Variants in OLFM1 observed in about 807,000 individuals in gnomAD.
OLFM1 encodes noelin.
A neutral mutation model predicts 49.7 loss-of-function variants in OLFM1; 9 were observed. The ratio of observed to expected loss-of-function variants is 0.18; its 90% CI spans 0.11 to 0.32. The LOEUF is 0.32. Among genes scored for constraint, OLFM1 ranks in the 10% least tolerant of loss-of-function variants. The pLI, the probability that OLFM1 is intolerant of heterozygous loss-of-function variation, is 1.00. For synonymous variants in OLFM1, 240 were observed against 271.8 expected, an observed-to-expected ratio of 0.88 and a Z score of 1.15; for missense variants, 369 against 661.8, an observed-to-expected ratio of 0.56 and a Z score of 4.85.
At chr9:135,087,163 C>G, upstream of OLFM1, 1 of 1,314,220 alleles carries the variant, frequency 7.6e-7, no homozygotes, top group Non-Finnish European at 1.0e-6. Flanking sequence ...GCCCCGACGC[C>G]CCCCTGGCGC....
At position 135,119,626 on chromosome 9, in the gene OLFM1, G is replaced by A. The variant is rs748530353; in HGVS notation, c.906G>A (p.Gly302=). The A allele has an allele frequency of 6.2e-7, 1 of 1,614,056 alleles. No individual in the cohort carries two copies. Among genetic ancestry groups the A allele is most frequent in the Non-Finnish European group, 8.5e-7 (1 of 1,180,050 alleles). ...HRLPHPWSGT[G]QVVYNGSIYF... The stretch of plus-strand genomic sequence containing the variant: ...TCCCCCACCCCTGGTCGGGCACGGG[G>A]CAGGTGGTCTACAACGGTTCTATCT... Residue 302 remains glycine, a synonymous_variant, in exon 6 of 6, where the codon GGG becomes GGA. Transcript: ENST00000371793.
chr9:135,075,723 G>T (rs755253709), exon 1 of OLFM1: 1 of 1,601,712 alleles, frequency 6.2e-7, no homozygotes, highest in Admixed American at 1.7e-5. Context: ...GGTCGTTGGA[G>T]GTGGCAGCGA....
upstream of OLFM1, chr9:135,087,188 A>G: frequency 7.2e-7 from 1 of 1,385,554 alleles, no homozygotes; most frequent in Non-Finnish European, 9.3e-7. Context: ...GGCCCTCGCG[A>G]GTCTGGCTGC....
intron 5 of OLFM1, among the ~76,000 whole-genome samples, chr9:135,112,982 C>A (rs555056099): frequency 6.6e-6 from 1 of 152,302 alleles, no homozygotes; most frequent in African/African-American, 2.4e-5. Flanking sequence ...TGGGGGAGGG[C>A]AGCCTTGGGA....
chr9:135,115,036 G>A (rs974743252), intron 5 of OLFM1, among the ~76,000 whole-genome samples: 7 of 152,188 alleles, frequency 4.6e-5, no homozygotes, highest in Admixed American at 2.0e-4. Flanking sequence ...CTGCAAATGC[G>A]TCTGCCCTAT....
exon 1 of OLFM1, chr9:135,075,777 T>C: frequency 6.2e-7 from 1 of 1,607,062 alleles, no homozygotes. Flanking sequence ...CTCTTCCTCA[T>C]CCTGATGGGC....
intron 1 of OLFM1, chr9:135,075,809 G>T: frequency 6.3e-7 from 1 of 1,598,640 alleles, no homozygotes. Context: ...TCAAGTACGT[G>T]CATCCAACGC....
Position 135,113,115 on chromosome 9 carries a change from T to C in OLFM1, c.783+6260T>C, listed in dbSNP as rs1372360882. 2.0e-5 allele frequency among the ~76,000 whole-genome samples: 3 copies of C among 152,098 alleles called. No homozygotes were observed. The highest frequency in any genetic ancestry group is 4.8e-5 in the African/African-American group (2 of 41,412). On this transcript the variant is annotated intron_variant, in intron 5 of 5. Coordinates refer to ENST00000371793, the MANE Select transcript of OLFM1 (RefSeq NM_001282611.2). The surrounding 1 kb of genome is among the most constrained non-coding windows in gnomAD (Gnocchi z 4.0). ...ATGTGGCAGCTGGCACAGCTGGCCA[T>C]GTGACCCTGAGAGAGGCCTTCCTTC...
chr9:135,096,438 T>G (rs1830799773), intron 3 of OLFM1, among the ~76,000 whole-genome samples: 1 of 152,034 alleles, frequency 6.6e-6, no homozygotes, highest in Non-Finnish European at 1.5e-5. Context: ...GGGAGAAGCA[T>G]AGCAAAGGTT....
At chr9:135,078,027 T>C (rs1441863022) in intron 1 of OLFM1, among the ~76,000 whole-genome samples, 5 of 152,102 alleles carry the variant, frequency 3.3e-5, no homozygotes, top group Non-Finnish European at 7.4e-5. Context: ...GCATCTGGGG[T>C]CGGGAATGGG....
chr9:135,092,690 G>A (rs1830732823), intron 2 of OLFM1, among the ~76,000 whole-genome samples: 2 of 152,140 alleles, frequency 1.3e-5, no homozygotes, highest in African/African-American at 2.4e-5. Context: ...ATTCCAGAAT[G>A]CTCCATGAGC....
intron 5 of OLFM1, among the ~76,000 whole-genome samples, chr9:135,111,334 T>C (rs75161713): frequency 0.014 from 2,186 of 152,296 alleles, 45 homozygotes; most frequent in African/African-American, 0.05. Context: ...CCAGCCTGTG[T>C]CGTCGAATTA....
chr9:135,104,152 G>C (rs1830906939), intron 4 of OLFM1, among the ~76,000 whole-genome samples: 1 of 152,200 alleles, frequency 6.6e-6, no homozygotes, highest in South Asian at 2.1e-4. Flanking sequence ...GCTGCAGTGA[G>C]GACAGGCAGA....
At chr9:135,076,972 T>A in intron 1 of OLFM1, 5 of 1,550,538 alleles carry the variant, frequency 3.2e-6, no homozygotes, top group Non-Finnish European at 4.4e-6. Flanking sequence ...AATCCAGCAG[T>A]GGGGTTATGT....
chr9:135,103,066 G>A (rs1342004337), intron 4 of OLFM1, among the ~76,000 whole-genome samples: 4 of 152,182 alleles, frequency 2.6e-5, no homozygotes, highest in Non-Finnish European at 4.4e-5. Flanking sequence ...TGGGGCCGTC[G>A]GGGGGCCTCT....
At chr9:135,087,435 G>A (rs1005086733), upstream of OLFM1, 4 of 1,543,580 alleles carry the variant, frequency 2.6e-6, no homozygotes, top group Admixed American at 6.0e-5. Context: ...TCCCCGCGCC[G>A]CCGCCGGGTA....
chr9:135,088,581 G>A lies in OLFM1; in HGVS notation c.150+442G>A. 6.6e-6 allele frequency among the ~76,000 whole-genome samples: 1 copy of A among 152,062 alleles called. No individual in the cohort carries two copies. The highest frequency in any genetic ancestry group is 1.9e-4 in the East Asian group (1 of 5,140). ...CCTAGTCTGGGCTCGGTCCAGCGGG[G>A]ACTGAGCCCGCCCTAGTTTGTAAAA... On this transcript the variant is annotated intron_variant, in intron 1 of 5. Coordinates refer to ENST00000371793, the MANE Select transcript of OLFM1 (RefSeq NM_001282611.2). The surrounding 1 kb of genome is among the most constrained non-coding windows in gnomAD (Gnocchi z 4.8).
chr9:135,090,049 G>A (rs1316426143), intron 1 of OLFM1, 146 bp from the exon 2 acceptor site: 2 of 736,822 alleles, frequency 2.7e-6, no homozygotes, highest in Non-Finnish European at 4.3e-6. Flanking sequence ...CTTCCCTTTG[G>A]GTCAAACATG....
In OLFM1 at chr9:135,120,849, T is replaced by C. The variant is rs1588227731; in HGVS notation, c.*671T>C. The C allele has an allele frequency of 6.5e-6, 1 of 152,716 alleles. No individual in the cohort carries two copies. Among genetic ancestry groups the C allele is most frequent in the East Asian group, 1.9e-4 (1 of 5,200 alleles). 9.5% of individuals were successfully genotyped at this position (152,716 alleles called of 1,614,324 possible). ...GTGGTAACTTCGTATGTTCAGTTTA[T>C]GCGATGATTGTTGTAAATGCAATGC... is the stretch of plus-strand genomic sequence containing the variant. On this transcript the variant is annotated 3_prime_UTR_variant, in exon 6 of 6. Coordinates refer to ENST00000371793, the MANE Select transcript of OLFM1 (RefSeq NM_001282611.2).
Sources: gnomAD v4.1 joint callset for allele counts (sites outside exome capture counted in the v4.1 genomes callset) on GRCh38, gnomAD v4.1.1 for gene constraint, Gnocchi (gnomAD v3.1) non-coding constraint, MANE v1.5 for transcripts, NCBI Gene and HGNC (gene_info 2026-07-23, HGNC 2026-07-21) for gene names.